Variants in WDR73 observed in about 807,000 individuals in gnomAD.
WDR73 encodes the protein WD repeat domain 73.
In WDR73, 30 loss-of-function variants were observed where a neutral mutation model predicts 38.2. The ratio of observed to expected loss-of-function variants is 0.79; its 90% CI spans 0.59 to 1.06. The LOEUF (loss-of-function observed/expected upper bound fraction) is 1.06. Among genes scored for constraint, WDR73 ranks in the 50% least tolerant of loss-of-function variants. WDR73 has a pLI of 0.00. For missense variants in WDR73, 487 were observed against 467.0 expected (o/e 1.04, Z -0.40); for synonymous variants, 197 against 176.0 (o/e 1.12, Z -0.94).
Position 84,641,561 on chromosome 15 carries a change from T to C in WDR73, c.*1909A>G, listed in dbSNP as rs1450252254. On this transcript the variant is annotated 3_prime_UTR_variant, in exon 8 of 8. Coordinates refer to ENST00000434634, the MANE Select transcript of WDR73 (RefSeq NM_032856.5). ...TGGAGTCTCACCCTGTCACCCAGGC[T>C]GGAATGCAGTGGCACAATCTCGGTT... is the stretch of plus-strand genomic sequence containing the variant. 1 of 152,280 alleles carries C rather than the reference T, an allele frequency of 6.6e-6. No individual in the cohort carries two copies. The highest frequency in any genetic ancestry group is 1.5e-5 in the Non-Finnish European group (1 of 68,080). The allele number at this position is 152,280 out of a possible 1,614,324, so 9.4% of individuals were successfully genotyped here.
At position 84,641,885 on chromosome 15, in the gene WDR73, A is replaced by T. The variant is rs550850132; in HGVS notation, c.*1585T>A. On this transcript the variant is annotated 3_prime_UTR_variant, in exon 8 of 8. Coordinates refer to ENST00000434634, the MANE Select transcript of WDR73 (RefSeq NM_032856.5). ...TAAAAATCTTTCTTTTTTTTTAGAGACAGGGGTTCACCATGGTGCCCAGGC... is the reference window on the plus strand; with the variant it reads ...TAAAAATCTTTCTTTTTTTTTAGAGTCAGGGGTTCACCATGGTGCCCAGGC... 6.6e-6 allele frequency: 1 copy of T among 151,936 alleles called. No individual in the cohort carries two copies. The highest frequency in any genetic ancestry group is 2.4e-5 in the African/African-American group (1 of 41,428). 9.4% of individuals were successfully genotyped at this position (151,936 alleles called of 1,614,324 possible). A position where few individuals can be genotyped will look rare whatever the true frequency, so the allele number is the denominator to read the frequency against.
chr15:84,646,360 C>G lies in WDR73; in HGVS notation c.353-12G>C. On this transcript the variant is annotated splice_polypyrimidine_tract_variant and intron_variant, in intron 5 of 7. Transcript: ENST00000434634. ...AGCTTTAATGACATCTAGGGGAAAA[C>G]GAAGAGGCCAAAATCCAGAACTTTA... 6.3e-7 allele frequency: 1 copy of G among 1,599,290 alleles called. No individual in the cohort carries two copies. The highest frequency in any genetic ancestry group is 8.6e-7 in the Non-Finnish European group (1 of 1,168,948).
chr15:84,646,621 T>G, intron 5 of WDR73: 1 of 329,002 alleles, frequency 3.0e-6, no homozygotes, highest in Non-Finnish European at 5.6e-6. Flanking sequence ...CAATTCTGGC[T>G]TTTTATACTT....
chr15:84,643,969 C>CACTT, intron 7 of WDR73: 1 of 398,476 alleles, frequency 2.5e-6, no homozygotes, highest in Non-Finnish European at 4.4e-6. Flanking sequence ...GGAATCAAGG[C>CACTT]ACTTAAAAGG....
At position 84,643,647 on chromosome 15, in the gene WDR73, TTGG is replaced by T. The variant is rs773734773; in HGVS notation, c.957_959del (p.Ser319_Gln320delinsArg). On this transcript the variant is annotated inframe_deletion, in exon 8 of 8. Coordinates refer to ENST00000434634, the MANE Select transcript of WDR73 (RefSeq NM_032856.5). ...CTCTGTGAGTGAAGAGAGGTTCTAC[TTGG>T]CTCCGTGTTCCATCTTGGCTCCGTG... 1.9e-6 allele frequency: 2 copies of T among 1,068,296 alleles called. No individual in the cohort carries two copies. The highest frequency in any genetic ancestry group is 2.6e-6 in the Non-Finnish European group (2 of 763,066). 66.2% of individuals were successfully genotyped at this position (1,068,296 alleles called of 1,614,324 possible). A position where few individuals can be genotyped will look rare whatever the true frequency, so the allele number is the denominator to read the frequency against.
rs1242372470 is a variant in WDR73, at chr15:84,641,546, C to T, written c.*1924G>A. ...TTATTTTTTTTGAGATGGAGTCTCA[C>T]CCTGTCACCCAGGCTGGAATGCAGT... On this transcript the variant is annotated 3_prime_UTR_variant, in exon 8 of 8. Transcript: ENST00000434634. 2.0e-5 allele frequency: 3 copies of T among 152,168 alleles called. No homozygotes were observed. The highest frequency in any genetic ancestry group is 2.9e-5 in the Non-Finnish European group (2 of 68,048). The allele number at this position is 152,168 out of a possible 1,614,324, so 9.4% of individuals were successfully genotyped here.
At chr15:84,643,951 T>C (rs772016562) in intron 7 of WDR73, 4 of 445,102 alleles carry the variant, frequency 9.0e-6, no homozygotes, top group Non-Finnish European at 1.5e-5. Context: ...AAACAGGCTA[T>C]TGGATGAGGA....
At chr15:84,647,502 C>CTTTTTT in intron 5 of WDR73, 1 of 184,518 alleles carries the variant, frequency 5.4e-6, no homozygotes, top group Non-Finnish European at 1.1e-5. Flanking sequence ...TCTACTACTA[C>CTTTTTT]TTTTTTTTTT....
chr15:84,653,558 C>G (rs1230733454), intron 2 of WDR73, 74 bp downstream of exon 2: 2 of 1,193,022 alleles, frequency 1.7e-6, no homozygotes, highest in Non-Finnish European at 2.4e-6. Flanking sequence ...GGGTTGGGTC[C>G]CTCTAGGCTT....
intron 3 of WDR73, among the ~76,000 whole-genome samples, chr15:84,650,949 A>T (rs895349966): frequency 1.3e-5 from 2 of 151,940 alleles, no homozygotes; most frequent in African/African-American, 4.8e-5. Context: ...CCCCGTCCCT[A>T]CCAAAAAATA....
intron 2 of WDR73, 113 bp downstream of exon 2, chr15:84,653,519 A>G (rs1596057301): frequency 6.9e-6 from 5 of 720,654 alleles, no homozygotes; most frequent in Non-Finnish European, 1.2e-5. Flanking sequence ...TCAAATTGCT[A>G]CAAGTGACTC....
chr15:84,645,903 G>A, intron 6 of WDR73, 67 bp from the exon 7 acceptor site: 1 of 1,605,048 alleles, frequency 6.2e-7, no homozygotes, highest in Non-Finnish European at 8.5e-7. Flanking sequence ...TGGCAGGGCT[G>A]GCTGGTCACA....
rs1329869429 is a variant in WDR73, at chr15:84,646,300, C to T, written c.401G>A (p.Ser134Asn). ...STIAVHEKEE[S>N]LWPRVAVFST... ...GAAGACGGCCACCCTAGGCCAGAGA[C>T]TCTCCTCTTTCTCATGCACAGCAAT... The change falls in exon 6 of 8, where the codon AGT becomes AAT. Residue 134 changes from serine (S) to asparagine (N), a missense_variant. Transcript: ENST00000434634. 6.2e-7 allele frequency: 1 copy of T among 1,613,964 alleles called. No individual in the cohort carries two copies. The highest frequency in any genetic ancestry group is 2.2e-5 in the East Asian group (1 of 44,882).
Position 84,643,274 on chromosome 15 carries a change from G to T in WDR73, c.*196C>A, listed in dbSNP as rs774070874. 6.3e-6 allele frequency: 4 copies of T among 630,682 alleles called. No homozygotes were observed. Among genetic ancestry groups the T allele is most frequent in the Non-Finnish European group, 1.1e-5 (4 of 370,630 alleles). 39.1% of individuals were successfully genotyped at this position (630,682 alleles called of 1,614,324 possible). On this transcript the variant is annotated 3_prime_UTR_variant, in exon 8 of 8. Transcript: ENST00000434634. Reference sequence around the variant, plus strand: ...ATGCCATGCGTTTCTTCTAACCTTCGCAATATCACTACGAGGTAGTTCTTA... The same window carrying T: ...ATGCCATGCGTTTCTTCTAACCTTCTCAATATCACTACGAGGTAGTTCTTA...
At position 84,653,541 on chromosome 15, in the gene WDR73, G is replaced by A. The variant is rs1004500942; in HGVS notation, c.109+91C>T. The A allele has an allele frequency of 5.5e-6, 5 of 910,260 alleles. No individual in the cohort carries two copies. In the Admixed American group the frequency reaches 6.2e-5, roughly 11 times the overall value. The allele number at this position is 910,260 out of a possible 1,614,324, so 56.4% of individuals were successfully genotyped here. ...GCTACAAGTGACTCTCAGGTGCCCA[G>A]AAGAGTGGGTTGGGTCCCTCTAGGC... On this transcript the variant is annotated intron_variant, in intron 2 of 7. Coordinates refer to ENST00000434634, the MANE Select transcript of WDR73 (RefSeq NM_032856.5).
At position 84,645,736 on chromosome 15, in the gene WDR73, C is replaced by T. The variant is rs375938459; in HGVS notation, c.618G>A (p.Arg206=). Residue 206 remains arginine (R), a synonymous_variant, in exon 7 of 8, where the codon CGG becomes CGA. Transcript: ENST00000434634. ...ASGRLGLVDT[R]QKWAPLENRS... Reference sequence around the variant, plus strand: ...GATTCTCCAACGGTGCCCACTTCTGCCGGGTGTCAACAAGCCCCAGCCGGC... The same window carrying T: ...GATTCTCCAACGGTGCCCACTTCTGTCGGGTGTCAACAAGCCCCAGCCGGC... The T allele has an allele frequency of 2.4e-5, 38 of 1,610,700 alleles. No individual in the cohort carries two copies. The African/African-American group carries it at 4.8e-4, about 20-fold the overall frequency.
Position 84,640,903 on chromosome 15 carries a change from A to G in WDR73, c.*2567T>C, listed in dbSNP as rs1229194535. 6.6e-6 allele frequency: 1 copy of G among 152,120 alleles called. No homozygotes were observed. Among genetic ancestry groups the G allele is most frequent in the Non-Finnish European group, 1.5e-5 (1 of 68,042 alleles). The allele number at this position is 152,120 out of a possible 1,614,324, so 9.4% of individuals were successfully genotyped here. ...TCCCTGGGCTGTTATGAGGATCCTG[A>G]CACAGTATTAGCACTTGGCAAACGT... is the stretch of plus-strand genomic sequence containing the variant. On this transcript the variant is annotated 3_prime_UTR_variant, in exon 8 of 8. Transcript: ENST00000434634.
rs531366283 is a variant in WDR73 at position 84,643,635 on chromosome 15, G to A, written c.972C>T (p.Leu324=). The A allele has an allele frequency of 2.5e-6, 4 of 1,612,562 alleles. No homozygotes were observed. The highest frequency in any genetic ancestry group is 1.3e-5 in the African/African-American group (1 of 74,904). ...QDGTRSQVEP[L]FTHRGHIFLD... Reference sequence around the variant, plus strand: ...GGAAGATGTGACCTCTGTGAGTGAAGAGAGGTTCTACTTGGCTCCGTGTTC... The same window carrying A: ...GGAAGATGTGACCTCTGTGAGTGAAAAGAGGTTCTACTTGGCTCCGTGTTC... The change falls in exon 8 of 8, where the codon CTC becomes CTT. Residue 324 remains leucine, a synonymous_variant. Transcript: ENST00000434634.
At chr15:84,648,344 G>T in intron 4 of WDR73, 193 bp downstream of exon 4, 1 of 593,578 alleles carries the variant, frequency 1.7e-6, no homozygotes, top group Non-Finnish European at 3.0e-6. Context: ...GGGCTCTGGG[G>T]GGCTATGAAG....
Sources: gnomAD v4.1 joint callset for allele counts (sites outside exome capture counted in the v4.1 genomes callset) on GRCh38, gnomAD v4.1.1 for gene constraint, MANE v1.5 for transcripts, NCBI Gene and HGNC (gene_info 2026-07-23, HGNC 2026-07-21) for gene names.